ROBO1: variants seen among roughly 807,000 people sequenced by gnomAD.
ROBO1 encodes the protein roundabout guidance receptor 1.
In ROBO1, 149 loss-of-function variants were observed where a neutral mutation model predicts 195.9. That is an observed-to-expected ratio of 0.76 (90% CI 0.67 to 0.87). The LOEUF is 0.87. Ranked by LOEUF, ROBO1 falls within the 40% of genes least tolerant of loss-of-function variation. ROBO1 has a pLI of 0.00. For synonymous variants in ROBO1, 816 were observed against 733.2 expected, an observed-to-expected ratio of 1.11 and a Z score of -1.82; for missense variants, 1,933 against 2,068.3, an observed-to-expected ratio of 0.93 and a Z score of 1.27.
intron 3 of ROBO1, among the ~76,000 whole-genome samples, chr3:79,114,360 C>T (rs1356071271): frequency 6.6e-6 from 1 of 152,228 alleles, no homozygotes; most frequent in Non-Finnish European, 1.5e-5. Context: ...CAAATGCACA[C>T]TTCTCTCTCC....
intron 22 of ROBO1, among the ~76,000 whole-genome samples, chr3:78,638,010 GA>G (rs1278715910): frequency 6.6e-6 from 1 of 150,768 alleles, no homozygotes; most frequent in Admixed American, 6.6e-5. Flanking sequence ...TGTTTGGTAA[GA>G]AATCTTTGGT....
intron 2 of ROBO1, among the ~76,000 whole-genome samples, chr3:79,378,102 A>G (rs1354973330): frequency 6.6e-6 from 1 of 151,526 alleles, no homozygotes; most frequent in Non-Finnish European, 1.5e-5. Flanking sequence ...CAAATATTTG[A>G]TGTTCTTTTA....
chr3:79,080,378 T>C (rs2079250432), intron 3 of ROBO1, among the ~76,000 whole-genome samples: 2 of 151,842 alleles, frequency 1.3e-5, no homozygotes, highest in Non-Finnish European at 2.9e-5. Flanking sequence ...TAATAAAGCA[T>C]TTTACTACAT....
At chr3:78,938,573 C>T in intron 4 of ROBO1, 28 bp downstream of exon 4, 1 of 1,577,518 alleles carries the variant, frequency 6.3e-7, no homozygotes, top group Non-Finnish European at 8.6e-7. Context: ...ACTCCCTCTG[C>T]CAAACACAGA....
intron 4 of ROBO1, among the ~76,000 whole-genome samples, chr3:78,913,386 CA>C (rs2038366422): frequency 6.6e-6 from 1 of 152,010 alleles, no homozygotes; most frequent in Non-Finnish European, 1.5e-5. Flanking sequence ...AGAGATTTAC[CA>C]GTGCCTCTTT....
At chr3:79,105,864 T>C (rs2108520176) in intron 3 of ROBO1, among the ~76,000 whole-genome samples, 1 of 151,880 alleles carries the variant, frequency 6.6e-6, no homozygotes, top group African/African-American at 2.4e-5. Flanking sequence ...GCTCCTGCTG[T>C]GTATATAGGT....
chr3:78,874,759 A>C (rs1021728376), intron 4 of ROBO1, among the ~76,000 whole-genome samples: 1 of 151,958 alleles, frequency 6.6e-6, no homozygotes, highest in African/African-American at 2.4e-5. Context: ...TTTCTATAAC[A>C]GATCAAAATC....
chr3:79,160,116 C>T (rs779738767), intron 2 of ROBO1, among the ~76,000 whole-genome samples: 1 of 151,926 alleles, frequency 6.6e-6, no homozygotes. Context: ...GCCATTTTTA[C>T]TTACAGAATC....
At chr3:79,316,880 A>G (rs2033759356) in intron 2 of ROBO1, among the ~76,000 whole-genome samples, 1 of 152,176 alleles carries the variant, frequency 6.6e-6, no homozygotes, top group Admixed American at 6.6e-5. Context: ...GAACATTGTC[A>G]TTATTTCAGA....
At chr3:79,700,083 G>A (rs902130519) in intron 1 of ROBO1, among the ~76,000 whole-genome samples, 2 of 151,602 alleles carry the variant, frequency 1.3e-5, no homozygotes, top group African/African-American at 2.4e-5. Context: ...GAAAACATGC[G>A]GTATTTGATT....
intron 1 of ROBO1, among the ~76,000 whole-genome samples, chr3:79,738,423 GGCCA>G (rs1703481417): frequency 1.3e-5 from 2 of 152,068 alleles, no homozygotes; most frequent in Non-Finnish European, 2.9e-5. Context: ...CCTCCATCTT[GGCCA>G]GCAAGTCCAA....
chr3:78,613,687 T>C (rs1429369516), intron 28 of ROBO1, among the ~76,000 whole-genome samples: 1 of 152,216 alleles, frequency 6.6e-6, no homozygotes, highest in Non-Finnish European at 1.5e-5. Flanking sequence ...GAGCTTTGTA[T>C]TAAATTCTTC....
intron 4 of ROBO1, among the ~76,000 whole-genome samples, chr3:78,782,304 C>A (rs1344349627): frequency 6.6e-6 from 1 of 151,840 alleles, no homozygotes; most frequent in Non-Finnish European, 1.5e-5. Context: ...TTAAGCGATT[C>A]TCTTGACTCA....
intron 4 of ROBO1, among the ~76,000 whole-genome samples, chr3:78,872,022 A>T (rs190877395): frequency 4.6e-5 from 7 of 152,304 alleles, no homozygotes. Flanking sequence ...TTGCTATGTT[A>T]TCGACAATAT....
At chr3:79,440,790 G>A (rs888420945) in intron 2 of ROBO1, among the ~76,000 whole-genome samples, 2 of 152,110 alleles carry the variant, frequency 1.3e-5, no homozygotes, top group Non-Finnish European at 2.9e-5. Flanking sequence ...ACTGTTTGAG[G>A]AAGAAAAGAG....
intron 1 of ROBO1, among the ~76,000 whole-genome samples, chr3:79,631,633 G>A (rs973278459): frequency 1.3e-5 from 2 of 152,000 alleles, no homozygotes; most frequent in African/African-American, 4.8e-5. Flanking sequence ...AATAAGACAA[G>A]TGGTACTCAA....
intron 3 of ROBO1, among the ~76,000 whole-genome samples, chr3:79,074,335 G>A (rs2079135447): frequency 6.6e-6 from 1 of 151,886 alleles, no homozygotes; most frequent in Non-Finnish European, 1.5e-5. Flanking sequence ...AAATAGAGAA[G>A]TTTATTTTAT....
intron 2 of ROBO1, among the ~76,000 whole-genome samples, chr3:79,376,215 A>C (rs2036377375): frequency 6.6e-6 from 1 of 152,184 alleles, no homozygotes; most frequent in Non-Finnish European, 1.5e-5. Flanking sequence ...CTTATTTCCC[A>C]AACCTCTTCA....
intron 1 of ROBO1, among the ~76,000 whole-genome samples, chr3:79,605,960 A>G (rs1424304634): frequency 6.6e-6 from 1 of 151,522 alleles, no homozygotes; most frequent in Non-Finnish European, 1.5e-5. Context: ...TCTTAAGTAT[A>G]CAGATTTGGA....
Sources: allele counts gnomAD v4.1 joint callset (sites outside exome capture counted in the v4.1 genomes callset), GRCh38; gene constraint gnomAD v4.1.1; transcripts MANE v1.5; gene names NCBI Gene and HGNC (gene_info 2026-07-23, HGNC 2026-07-21).